Variants in RANGAP1 observed in about 807,000 individuals in gnomAD.
RANGAP1 encodes Ran GTPase activating protein 1, also known as ran GTPase-activating protein 1.
Under a neutral mutation model 63.5 loss-of-function variants are expected in RANGAP1, and 38 were observed. The ratio of observed to expected loss-of-function variants is 0.60; its 90% CI spans 0.46 to 0.78. The LOEUF is 0.78. Ranked by LOEUF, RANGAP1 falls within the 30% of genes least tolerant of loss-of-function variation. The pLI is 0.00. For missense variants in RANGAP1, 630 were observed against 740.3 expected, an observed-to-expected ratio of 0.85 and a Z score of 1.73; for synonymous variants, 329 against 310.5, an observed-to-expected ratio of 1.06 and a Z score of -0.63.
intron 8 of RANGAP1, among the ~76,000 whole-genome samples, 164 bp from the exon 9 acceptor site, chr22:41,256,454 C>A (rs1407538066): frequency 4.6e-5 from 7 of 152,172 alleles, no homozygotes; most frequent in Admixed American, 1.3e-4. Flanking sequence ...TAATGCCCTG[C>A]AGCCAACGAT....
chr22:41,253,008 C>T lies in RANGAP1; in HGVS notation c.1261-17G>A. Reference sequence around the variant, plus strand: ...AGCTGGCTCCTGGGAAGTAGGGGCACAGAGGCTCTGGAGAATTCCGGACCC... The same window carrying T: ...AGCTGGCTCCTGGGAAGTAGGGGCATAGAGGCTCTGGAGAATTCCGGACCC... On this transcript the variant is annotated splice_polypyrimidine_tract_variant and intron_variant, in intron 11 of 15. Coordinates refer to ENST00000356244, the MANE Select transcript of RANGAP1 (RefSeq NM_002883.4). 6.9e-7 allele frequency: 1 copy of T among 1,449,020 alleles called. No individual in the cohort carries two copies. The highest frequency in any genetic ancestry group is 1.5e-5 in the African/African-American group (1 of 67,706). The allele number at this position is 1,449,020 out of a possible 1,614,324, so 89.8% of individuals were successfully genotyped here. A position where few individuals can be genotyped will look rare whatever the true frequency, so the allele number is the denominator to read the frequency against.
At chr22:41,283,672 G>A (rs1235181065) in intron 1 of RANGAP1, among the ~76,000 whole-genome samples, 1 of 152,180 alleles carries the variant, frequency 6.6e-6, no homozygotes, top group African/African-American at 2.4e-5. Flanking sequence ...GCTCTTGTAG[G>A]GGCAGAGGGT....
rs541286064 is a variant in RANGAP1, at chr22:41,244,833, T to C, written c.*1770A>G. 6.6e-6 allele frequency among the ~76,000 whole-genome samples: 1 copy of C among 152,346 alleles called. No homozygotes were observed. Among genetic ancestry groups the C allele is most frequent in the Non-Finnish European group, 1.5e-5 (1 of 68,036 alleles). On this transcript the variant is annotated 3_prime_UTR_variant, in exon 16 of 16. Transcript: ENST00000356244. ...TTCAGTGCATTAAGTACATTCACAA[T>C]GTTATGCAACCATCACCACTCTCCA... is the stretch of plus-strand genomic sequence containing the variant.
At chr22:41,278,249 G>A (rs2035274841) in intron 2 of RANGAP1, among the ~76,000 whole-genome samples, 1 of 152,084 alleles carries the variant, frequency 6.6e-6, no homozygotes, top group South Asian at 2.1e-4. Context: ...ATGTTGGCCA[G>A]GCTGGTCTGG....
upstream of RANGAP1, among the ~76,000 whole-genome samples, chr22:41,290,365 G>T (rs2035825380): frequency 6.6e-6 from 1 of 151,952 alleles, no homozygotes; most frequent in African/African-American, 2.4e-5. Context: ...GAGTAGCTGG[G>T]ATTACAGGTT....
chr22:41,250,799 G>A lies in RANGAP1; in HGVS notation c.1483+208C>T, dbSNP rs145522518. 2.6e-5 allele frequency among the ~76,000 whole-genome samples: 4 copies of A among 152,276 alleles called. No homozygotes were observed. The East Asian group carries it at 7.7e-4, about 29-fold the overall frequency. ...TACATGGCTGTGTGGATTTGGGAAAGGCCTCAGTTTCTCAGTGGTGAAAAA... is the reference window on the plus strand; with the variant it reads ...TACATGGCTGTGTGGATTTGGGAAAAGCCTCAGTTTCTCAGTGGTGAAAAA... On this transcript the variant is annotated intron_variant, in intron 13 of 15. Coordinates refer to ENST00000356244, the MANE Select transcript of RANGAP1 (RefSeq NM_002883.4).
Position 41,254,466 on chromosome 22 carries a change from C to T in RANGAP1, c.1102G>A (p.Glu368Lys), listed in dbSNP as rs758545994. ...GCTTCCTCTTCTTCCTCTTCTCCTT[C>T]CTCCTCCTCCTCCTCGTCCTCGTCA... is the stretch of plus-strand genomic sequence containing the variant. Reference protein sequence around the residue: ...SDDEDEEEEEEGEEEEEEAEE... With the variant: ...SDDEDEEEEEKGEEEEEEAEE... Residue 368 changes from glutamate (E) to lysine (K), a missense_variant, in exon 11 of 16, where the codon GAA (glutamate) becomes AAA (lysine). This residue lies in a region of RANGAP1 where 428 missense variants were observed against 465.5 expected (regional missense o/e 0.92). Transcript: ENST00000356244. 8 of 1,417,112 alleles carry T rather than the reference C, an allele frequency of 5.6e-6. No homozygotes were observed. Among genetic ancestry groups the T allele is most frequent in the Non-Finnish European group, 1.9e-6 (2 of 1,047,656 alleles). The allele number at this position is 1,417,112 out of a possible 1,614,324, so 87.8% of individuals were successfully genotyped here. A position where few individuals can be genotyped will look rare whatever the true frequency, so the allele number is the denominator to read the frequency against.
Position 41,257,932 on chromosome 22 carries a change from G to A in RANGAP1, c.774+16C>T, listed in dbSNP as rs760188823. 6.0e-5 allele frequency: 95 copies of A among 1,586,654 alleles called. No homozygotes were observed. Among genetic ancestry groups the A allele is most frequent in the Non-Finnish European group, 7.9e-5 (92 of 1,163,370 alleles). ...TATCTGGCGGGGCCCAACTGGCTCT[G>A]CCACACTCGCCTCACCTCGGCCATG... On this transcript the variant is annotated intron_variant, in intron 7 of 15. Transcript: ENST00000356244. The surrounding 1 kb of genome is among the most constrained non-coding windows in gnomAD (Gnocchi z 4.0).
At position 41,274,560 on chromosome 22, in the gene RANGAP1, G is replaced by A. The variant is rs760368368; in HGVS notation, c.240+40C>T. ...GTTGTGGAAGTGTGAACAGAAGCTT[G>A]TTCAAACCAGCCTGGGCCTACTCGC... On this transcript the variant is annotated intron_variant, in intron 3 of 15. Coordinates refer to ENST00000356244, the MANE Select transcript of RANGAP1 (RefSeq NM_002883.4). 44 of 1,610,640 alleles carry A rather than the reference G, an allele frequency of 2.7e-5. No homozygotes were observed. In the East Asian group the frequency reaches 8.5e-4, roughly 31 times the overall value.
rs1347171861 is a variant in RANGAP1 at position 41,261,368 on chromosome 22, T to A, written c.615+78A>T. The A allele has an allele frequency of 8.8e-6, 14 of 1,587,418 alleles. No individual in the cohort carries two copies. The South Asian group carries it at 1.5e-4, about 17-fold the overall frequency. ...TCTTGGTTGAGTGCCAGCCCTGGGA[T>A]TAGCATCCAGAACTGTCAGCCTACT... On this transcript the variant is annotated intron_variant, in intron 6 of 15. Coordinates refer to ENST00000356244, the MANE Select transcript of RANGAP1 (RefSeq NM_002883.4).
At chr22:41,274,531 AG>A (rs2035027621) in intron 3 of RANGAP1, 68 bp downstream of exon 3, 1 of 1,593,522 alleles carries the variant, frequency 6.3e-7, no homozygotes, top group South Asian at 1.1e-5. Context: ...GGACACAGGC[AG>A]GGGTTGTGGA....
chr22:41,261,657 G>A, intron 5 of RANGAP1, 77 bp from the exon 6 acceptor site: 1 of 1,579,082 alleles, frequency 6.3e-7, no homozygotes, highest in Admixed American at 1.7e-5. Flanking sequence ...CTGCTGAACT[G>A]CTCTTCAACA....
chr22:41,251,170 G>A (rs1349295521), intron 12 of RANGAP1, 61 bp from the exon 13 acceptor site: 15 of 1,381,702 alleles, frequency 1.1e-5, no homozygotes, highest in Non-Finnish European at 1.4e-5. Flanking sequence ...CCTGGGCTCT[G>A]ACGCTAGCTA....
intron 3 of RANGAP1, among the ~76,000 whole-genome samples, chr22:41,271,964 G>A (rs1033293107): frequency 1.3e-5 from 2 of 152,222 alleles, no homozygotes; most frequent in Non-Finnish European, 2.9e-5. Flanking sequence ...TCGAGCCACT[G>A]CATCTGTAGC....
In RANGAP1 at chr22:41,256,097, G is replaced by C. The variant is rs749685836; in HGVS notation, c.997C>G (p.Leu333Val). The C allele has an allele frequency of 1.2e-6, 2 of 1,614,138 alleles. No individual in the cohort carries two copies. Among genetic ancestry groups the C allele is most frequent in the Non-Finnish European group, 1.7e-6 (2 of 1,180,032 alleles). The change falls in exon 10 of 16, where the codon CTG becomes GTG. Residue 333 changes from leucine (L) to valine (V), a missense_variant. By Grantham distance (32) the Leu-to-Val change is conservative. Transcript: ENST00000356244. The stretch of plus-strand genomic sequence containing the variant: ...AGCTGTTCACAGCCTTCTTCTCCCA[G>C]GGTGTTGCCTGCTCAAGGGGAGGGA... ...LEKLDLNGNT[L>V]GEEGCEQLQE...
chr22:41,268,046 T>C, intron 4 of RANGAP1, 51 bp downstream of exon 4: 1 of 1,454,570 alleles, frequency 6.9e-7, no homozygotes, highest in Non-Finnish European at 9.4e-7. Flanking sequence ...GCCCTGGGAA[T>C]TGCCAAAGAG....
chr22:41,249,402 G>C lies in RANGAP1; in HGVS notation c.1622C>G (p.Ala541Gly), dbSNP rs764740821. The change falls in exon 15 of 16, where the codon GCG becomes GGG. Residue 541 changes from alanine to glycine, a missense_variant. Ala to Gly is a moderately conservative substitution (Grantham distance 60). Coordinates refer to ENST00000356244, the MANE Select transcript of RANGAP1 (RefSeq NM_002883.4). ...AIANLYGPLM[A>G]LNHMVQQDYF... The stretch of plus-strand genomic sequence containing the variant: ...GTCCTGCTGCACCATGTGGTTCAGC[G>C]CCATCAGGGGGCCGTACAGGTTGGC... 2.5e-6 allele frequency: 4 copies of C among 1,614,012 alleles called. No homozygotes were observed. In the African/African-American group the frequency reaches 4.0e-5, roughly 16 times the overall value.
At chr22:41,302,208 G>C in the RANGAP1 span, among the ~76,000 whole-genome samples, 1 of 151,980 alleles carries the variant, frequency 6.6e-6, no homozygotes, top group Non-Finnish European at 1.5e-5. This position sits in a 1 kb window ranked among gnomAD's most constrained non-coding sequence, Gnocchi z 5.7. Context: ...GTCGCTGGCA[G>C]GGCCCCCCTT....
intron 15 of RANGAP1, among the ~76,000 whole-genome samples, chr22:41,247,465 C>T (rs943607899): frequency 2.6e-5 from 4 of 152,130 alleles, no homozygotes; most frequent in African/African-American, 4.8e-5. Context: ...GGTCCTCCTA[C>T]CTCATCCTCC....
Sources: gnomAD v4.1 joint callset for allele counts (sites outside exome capture counted in the v4.1 genomes callset) on GRCh38, gnomAD v4.1.1 for gene constraint, gnomAD v4.1.1 regional missense constraint, Gnocchi (gnomAD v3.1) non-coding constraint, MANE v1.5 for transcripts, NCBI Gene and HGNC (gene_info 2026-07-23, HGNC 2026-07-21) for gene names.